Variants in BICRA observed in about 807,000 individuals in gnomAD.
BICRA encodes BRD4-interacting chromatin-remodeling complex-associated protein.
A neutral mutation model predicts 96.9 loss-of-function variants in BICRA; 31 were observed. The ratio of observed to expected loss-of-function variants is 0.32; its 90% CI spans 0.24 to 0.43. The LOEUF (loss-of-function observed/expected upper bound fraction) is 0.43, where lower values mean the gene tolerates loss of function less well. Ranked by LOEUF, BICRA falls within the 20% of genes least tolerant of loss-of-function variation. BICRA has a pLI of 1.00. For missense variants in BICRA, 2,283 were observed against 2,190.3 expected (o/e 1.04, Z -0.84); for synonymous variants, 1,350 against 1,071.8 (o/e 1.26, Z -5.07).
intron 7 of BICRA, among the ~76,000 whole-genome samples, chr19:47,685,786 TGCGCGCGC>T (rs67811590): frequency 1.4e-3 from 163 of 117,942 alleles, no homozygotes; most frequent in South Asian, 2.1e-3. Flanking sequence ...TGTGTGTGTG[TGCGCGCGC>T]GCGCGCATGC....
Position 47,695,113 on chromosome 19 carries a change from A to C in BICRA, c.3076+33A>C, listed in dbSNP as rs192651278. On this transcript the variant is annotated intron_variant, in intron 9 of 14. Coordinates refer to ENST00000594866, the MANE Select transcript of BICRA (RefSeq NM_001394372.1). ...AGAGGTCGCCTATGTGCCCAGGGAG[A>C]CGGGGCCTGAAGATGGGTGGGCGGG... is the stretch of plus-strand genomic sequence containing the variant. 1,291 of 1,404,654 alleles carry C rather than the reference A, an allele frequency of 9.2e-4. 5 individuals are homozygous for C. The African/African-American group carries it at 0.017, about 19-fold the overall frequency. The allele number at this position is 1,404,654 out of a possible 1,614,324, so 87.0% of individuals were successfully genotyped here. A position where few individuals can be genotyped will look rare whatever the true frequency, so the allele number is the denominator to read the frequency against.
At position 47,701,739 on chromosome 19, in the gene BICRA, C is replaced by T. The variant is rs779777360; in HGVS notation, c.4007C>T (p.Pro1336Leu). 4 of 1,558,654 alleles carry T rather than the reference C, an allele frequency of 2.6e-6. No homozygotes were observed. Among genetic ancestry groups the T allele is most frequent in the Non-Finnish European group, 3.5e-6 (4 of 1,151,098 alleles). ...GACCCCGTGCACCAGCCCCCGCCAC[C>T]CCCCGCTACCCTCAAGGTGGCCGAG... Reference protein sequence around the residue: ...ALDPVHQPPPPPATLKVAEPP... With the variant: ...ALDPVHQPPPLPATLKVAEPP... The change falls in exon 15 of 15, where the codon CCC (proline) becomes CTC (leucine). Residue 1336 changes from proline to leucine, a missense_variant. Pro to Leu is a moderately conservative substitution (Grantham distance 98, BLOSUM62 -3). Transcript: ENST00000594866. This position sits in a 1 kb window ranked among gnomAD's most constrained non-coding sequence, Gnocchi z 5.4.
chr19:47,676,440 G>C (rs1972942024), intron 5 of BICRA, among the ~76,000 whole-genome samples: 1 of 152,076 alleles, frequency 6.6e-6, no homozygotes, highest in South Asian at 2.1e-4. Flanking sequence ...CCTACTGTGT[G>C]CCTGACTATG....
At chr19:47,678,553 G>A (rs1972975496) in intron 5 of BICRA, among the ~76,000 whole-genome samples, 1 of 152,146 alleles carries the variant, frequency 6.6e-6, no homozygotes, top group Non-Finnish European at 1.5e-5. Context: ...GAGGCCTGGG[G>A]CCACCACCAG....
rs761120121 is a variant in BICRA at position 47,680,352 on chromosome 19, G to A, written c.1182G>A (p.Pro394=). The change falls in exon 6 of 15, where the codon CCG becomes CCA. Residue 394 remains proline (P), a synonymous_variant. Coordinates refer to ENST00000594866, the MANE Select transcript of BICRA (RefSeq NM_001394372.1). ...PGALPQQPKA[P]QNLTFMAAGK... Reference sequence around the variant, plus strand: ...CGCTCCCGCAGCAGCCCAAGGCCCCGCAGAACCTGACGTTCATGGCGGCGG... The same window carrying A: ...CGCTCCCGCAGCAGCCCAAGGCCCCACAGAACCTGACGTTCATGGCGGCGG... 5.9e-6 allele frequency: 9 copies of A among 1,532,636 alleles called. No homozygotes were observed. The African/African-American group carries it at 6.9e-5, about 12-fold the overall frequency. 94.9% of individuals were successfully genotyped at this position (1,532,636 alleles called of 1,614,324 possible).
At chr19:47,657,931 G>A (rs199974958) in intron 1 of BICRA, among the ~76,000 whole-genome samples, 2 of 112,376 alleles carry the variant, frequency 1.8e-5, no homozygotes, top group South Asian at 6.0e-4. Flanking sequence ...TCTCTCTCTC[G>A]TTTTTTTTTT....
At position 47,639,629 on chromosome 19, in the gene BICRA, ATTTTTT is replaced by A. The variant is rs55946534; in HGVS notation, c.-108+30482_-108+30487del. Among the ~76,000 whole-genome samples the A allele has an allele frequency of 1.9e-3, 199 of 105,808 alleles. 1 individual carries two copies. Among genetic ancestry groups the A allele is most frequent in the African/African-American group, 5.9e-3 (152 of 25,690 alleles). The allele number at this position is 105,808 out of a possible 152,430, so 69.4% of individuals were successfully genotyped here. A position where few individuals can be genotyped will look rare whatever the true frequency, so the allele number is the denominator to read the frequency against. On this transcript the variant is annotated intron_variant, in intron 1 of 14. Transcript: ENST00000594866. Reference sequence around the variant, plus strand: ...AGGCGTGAGCCACCGCGGCCAGCCAATTTTTTTTTTTTTTTTTTTTTTTTTTAAGAG... The same window carrying A: ...AGGCGTGAGCCACCGCGGCCAGCCAATTTTTTTTTTTTTTTTTTTTAAGAG...
intron 4 of BICRA, among the ~76,000 whole-genome samples, chr19:47,674,922 C>T (rs1300915515): frequency 6.6e-6 from 1 of 152,204 alleles, no homozygotes; most frequent in Non-Finnish European, 1.5e-5. Flanking sequence ...GGCCAGCACT[C>T]AGAGGGAGGG....
At position 47,675,230 on chromosome 19, in the gene BICRA, T is replaced by A. The variant is rs1454388609; in HGVS notation, c.85-621T>A. On this transcript the variant is annotated intron_variant, in intron 4 of 14. Coordinates refer to ENST00000594866, the MANE Select transcript of BICRA (RefSeq NM_001394372.1). This position sits in a 1 kb window ranked among gnomAD's most constrained non-coding sequence, Gnocchi z 4.7. ...ATTCCAGAAGTCCAGGTGGTGCTGG[T>A]GGATGTACAAGTTGGGGTTCTGGAG... Among the ~76,000 whole-genome samples, 1 of 152,074 alleles carries A rather than the reference T, an allele frequency of 6.6e-6. No homozygotes were observed. The highest frequency in any genetic ancestry group is 1.5e-5 in the Non-Finnish European group (1 of 68,004).
intron 1 of BICRA, among the ~76,000 whole-genome samples, chr19:47,666,235 A>C (rs882686): frequency 0.47 from 71,357 of 151,870 alleles, 17,381 homozygotes; most frequent in East Asian, 0.77. Context: ...TCCTGCTGTG[A>C]GCATGCACAG....
chr19:47,632,129 C>G lies in BICRA; in HGVS notation c.-108+22961C>G, dbSNP rs1415151770. Among the ~76,000 whole-genome samples, 6 of 152,302 alleles carry G rather than the reference C, an allele frequency of 3.9e-5. 1 individual carries two copies. The East Asian group carries it at 1.2e-3, about 29-fold the overall frequency. The stretch of plus-strand genomic sequence containing the variant: ...GCTTTGAGCTGGGGAGTGACCCGAC[C>G]TGACATTTTTATATCCATACCTTGG... On this transcript the variant is annotated intron_variant, in intron 1 of 14. Coordinates refer to ENST00000594866, the MANE Select transcript of BICRA (RefSeq NM_001394372.1).
Position 47,680,380 on chromosome 19 carries a change from A to G in BICRA, c.1210A>G (p.Lys404Glu). 6.5e-7 allele frequency: 1 copy of G among 1,529,896 alleles called. No homozygotes were observed. Among genetic ancestry groups the G allele is most frequent in the Non-Finnish European group, 8.7e-7 (1 of 1,143,200 alleles). 94.8% of individuals were successfully genotyped at this position (1,529,896 alleles called of 1,614,324 possible). A position where few individuals can be genotyped will look rare whatever the true frequency, so the allele number is the denominator to read the frequency against. ...GAACCTGACGTTCATGGCGGCGGGG[A>G]AGGCGGGCCAGAACGTGGTGCTGTC... ...PQNLTFMAAG[K>E]AGQNVVLSGF... Residue 404 changes from lysine (K) to glutamate (E), a missense_variant, in exon 6 of 15, where the codon AAG (lysine) becomes GAG (glutamate). Physicochemically the swap from Lys to Glu is moderately conservative, Grantham distance 56. Transcript: ENST00000594866.
chr19:47,694,033 G>T, intron 7 of BICRA, 82 bp from the exon 8 acceptor site: 1 of 1,426,480 alleles, frequency 7.0e-7, no homozygotes, highest in Non-Finnish European at 9.2e-7. Flanking sequence ...GGGATGGCTG[G>T]GGACCCCAGT....
At position 47,642,757 on chromosome 19, in the gene BICRA, AAGCAGTTGTTTACC is replaced by A. The variant is rs1192824093; in HGVS notation, c.-107-27684_-107-27671del. Among the ~76,000 whole-genome samples the A allele has an allele frequency of 2.0e-5, 3 of 152,198 alleles. No homozygotes were observed. In the East Asian group the frequency reaches 5.8e-4, roughly 29 times the overall value. ...GAAAGAAAGTGCCAAATATTTTTCAAAGCAGTTGTTTACCACCAGCAATGGATAAGCATTCCAGT... is the reference window on the plus strand; with the variant it reads ...GAAAGAAAGTGCCAAATATTTTTCAAACCAGCAATGGATAAGCATTCCAGT... On this transcript the variant is annotated intron_variant, in intron 1 of 14. Transcript: ENST00000594866.
chr19:47,688,022 G>A (rs1973185448), intron 7 of BICRA, among the ~76,000 whole-genome samples: 1 of 152,076 alleles, frequency 6.6e-6, no homozygotes, highest in African/African-American at 2.4e-5. Context: ...CACGAGATTA[G>A]CAGCTGGCCT....
chr19:47,665,931 G>A (rs1019701976), intron 1 of BICRA, among the ~76,000 whole-genome samples: 2 of 152,186 alleles, frequency 1.3e-5, no homozygotes, highest in African/African-American at 4.8e-5. Context: ...GTGGGGCCGG[G>A]GACTTCTGTC....
intron 7 of BICRA, among the ~76,000 whole-genome samples, chr19:47,687,111 T>A (rs541986641): frequency 1.3e-5 from 2 of 152,352 alleles, no homozygotes; most frequent in South Asian, 4.1e-4. Context: ...TATTTGTTTA[T>A]TTTTCTGGGC....
intron 1 of BICRA, among the ~76,000 whole-genome samples, chr19:47,652,525 G>A (rs1307267250): frequency 3.3e-5 from 5 of 152,154 alleles, no homozygotes; most frequent in Non-Finnish European, 7.3e-5. Context: ...GTCAGGCAGT[G>A]TGGCATCTTG....
chr19:47,667,282 T>A (rs1297722514), intron 1 of BICRA, among the ~76,000 whole-genome samples: 1 of 152,224 alleles, frequency 6.6e-6, no homozygotes, highest in African/African-American at 2.4e-5. Context: ...CCCAAAGTGC[T>A]GGGATTACAG....
Sources: allele counts gnomAD v4.1 joint callset (sites outside exome capture counted in the v4.1 genomes callset), GRCh38; gene constraint gnomAD v4.1.1; non-coding constraint Gnocchi (gnomAD v3.1); transcripts MANE v1.5; gene names NCBI Gene and HGNC (gene_info 2026-07-23, HGNC 2026-07-21).